Variants in TAFA1 observed in about 807,000 individuals in gnomAD.
The protein encoded by TAFA1 is TAFA chemokine like family member 1, also known as chemokine-like protein TAFA-1.
A neutral mutation model predicts 18.5 loss-of-function variants in TAFA1; 4 were observed. The observed-to-expected ratio is 0.22, with a 90% CI of 0.11 to 0.49. The LOEUF (loss-of-function observed/expected upper bound fraction) is 0.49. Ranked by LOEUF, TAFA1 falls within the 20% of genes least tolerant of loss-of-function variation. The pLI, the probability that TAFA1 is intolerant of heterozygous loss-of-function variation, is 0.98. For missense variants in TAFA1, 147 were observed against 169.0 expected (o/e 0.87, Z 0.72); for synonymous variants, 56 against 55.2 (o/e 1.01, Z -0.06).
At chr3:68,310,419 G>T (rs2068495450) in intron 2 of TAFA1, among the ~76,000 whole-genome samples, 1 of 152,100 alleles carries the variant, frequency 6.6e-6, no homozygotes, top group Non-Finnish European at 1.5e-5. Context: ...TTCAACAAGA[G>T]ATGTTCTAAA....
At chr3:68,302,629 T>A (rs7625405) in intron 2 of TAFA1, among the ~76,000 whole-genome samples, 7 of 152,248 alleles carry the variant, frequency 4.6e-5, no homozygotes, top group African/African-American at 1.2e-4. Context: ...CATTGTTGTA[T>A]CCTCAGCATC....
At chr3:68,437,703 T>A (rs949477817) in intron 3 of TAFA1, among the ~76,000 whole-genome samples, 1 of 152,116 alleles carries the variant, frequency 6.6e-6, no homozygotes, top group African/African-American at 2.4e-5. Flanking sequence ...ATGACCCAAT[T>A]ACCCCTTAAA....
chr3:68,539,675 G>T (rs1361254994), intron 4 of TAFA1, among the ~76,000 whole-genome samples: 3 of 18,428 alleles, frequency 1.6e-4, no homozygotes, highest in Non-Finnish European at 4.8e-4. Context: ...CTGTGTGTGT[G>T]TGTGGGGGGG....
chr3:68,494,531 A>G (rs2072511606), intron 3 of TAFA1, among the ~76,000 whole-genome samples: 2 of 152,182 alleles, frequency 1.3e-5, no homozygotes, highest in African/African-American at 2.4e-5. Flanking sequence ...CTAGATCTTA[A>G]TAAGCCTCCC....
chr3:68,448,167 G>C (rs1385848737), intron 3 of TAFA1, among the ~76,000 whole-genome samples: 6 of 152,212 alleles, frequency 3.9e-5, no homozygotes, highest in African/African-American at 7.2e-5. Context: ...AGTTCTCAGG[G>C]CTTCTTAAAC....
chr3:68,171,478 G>C (rs1433973253), intron 2 of TAFA1, among the ~76,000 whole-genome samples: 2 of 152,132 alleles, frequency 1.3e-5, no homozygotes, highest in Non-Finnish European at 2.9e-5. Flanking sequence ...CACAGCAATA[G>C]AAATGTAATA....
intron 3 of TAFA1, among the ~76,000 whole-genome samples, chr3:68,455,152 G>A (rs1201070847): frequency 6.6e-6 from 1 of 151,968 alleles, no homozygotes; most frequent in African/African-American, 2.4e-5. Flanking sequence ...TTCCTTAAGT[G>A]GAAATGGATC....
chr3:68,230,225 T>C (rs762031758), intron 2 of TAFA1, among the ~76,000 whole-genome samples: 7 of 152,188 alleles, frequency 4.6e-5, no homozygotes, highest in Admixed American at 6.5e-5. Flanking sequence ...CATCCAACTA[T>C]ATTTTTGTAC....
At chr3:68,320,046 T>C (rs961027874) in intron 2 of TAFA1, among the ~76,000 whole-genome samples, 4 of 152,222 alleles carry the variant, frequency 2.6e-5, no homozygotes, top group Non-Finnish European at 1.5e-5. Flanking sequence ...TGTTTACATA[T>C]ATATGGATAT....
chr3:68,412,704 ATG>A (rs2070739481), intron 2 of TAFA1, among the ~76,000 whole-genome samples: 1 of 151,858 alleles, frequency 6.6e-6, no homozygotes, highest in Non-Finnish European at 1.5e-5. Context: ...AAGGACATGA[ATG>A]CATCCTTTTT....
intron 3 of TAFA1, among the ~76,000 whole-genome samples, chr3:68,538,464 C>A (rs745510687): frequency 1.1e-4 from 17 of 152,130 alleles, no homozygotes; most frequent in Non-Finnish European, 2.1e-4. Flanking sequence ...ATGTTAGAAG[C>A]AAGATGGAGT....
intron 2 of TAFA1, among the ~76,000 whole-genome samples, chr3:68,137,612 A>T (rs1481815238): frequency 6.6e-6 from 1 of 152,198 alleles, no homozygotes; most frequent in Non-Finnish European, 1.5e-5. Context: ...TCTAGGTTTG[A>T]GTGAAGTAGA....
chr3:68,472,514 A>G (rs886516741), intron 3 of TAFA1, among the ~76,000 whole-genome samples: 3 of 151,926 alleles, frequency 2.0e-5, no homozygotes, highest in Admixed American at 1.3e-4. Flanking sequence ...ACACACACAC[A>G]CACACACACA....
chr3:68,086,974 C>T (rs925091539), intron 2 of TAFA1, among the ~76,000 whole-genome samples: 4 of 152,088 alleles, frequency 2.6e-5, no homozygotes, highest in South Asian at 2.1e-4. Context: ...AACAAGACAC[C>T]CTGCAAATCC....
intron 2 of TAFA1, among the ~76,000 whole-genome samples, chr3:68,173,152 A>G (rs957525584): frequency 3.3e-5 from 5 of 152,146 alleles, no homozygotes; most frequent in African/African-American, 1.2e-4. Flanking sequence ...GCTACATTCC[A>G]TGACTAATGA....
intron 2 of TAFA1, among the ~76,000 whole-genome samples, chr3:68,406,157 T>C (rs2070603761): frequency 6.6e-6 from 1 of 152,176 alleles, no homozygotes. Flanking sequence ...ATTAGTATAT[T>C]CAATCTTTTA....
chr3:68,223,141 C>G (rs1024168724), intron 2 of TAFA1, among the ~76,000 whole-genome samples: 2 of 152,088 alleles, frequency 1.3e-5, no homozygotes, highest in African/African-American at 4.8e-5. Flanking sequence ...AGTGGGTGAA[C>G]ATCTTTCCTG....
At chr3:68,498,243 A>T (rs2072586832) in intron 3 of TAFA1, among the ~76,000 whole-genome samples, 1 of 152,328 alleles carries the variant, frequency 6.6e-6, no homozygotes, top group South Asian at 2.1e-4. Context: ...AAAAGTATTT[A>T]TAATAGCACC....
rs146669749 is a variant in TAFA1, at chr3:68,138,062, G to C, written c.118+131318G>C. Among the ~76,000 whole-genome samples, 103 of 151,960 alleles carry C rather than the reference G, an allele frequency of 6.8e-4. 2 individuals are homozygous for C. In the East Asian group the frequency reaches 0.02, roughly 29 times the overall value. On this transcript the variant is annotated intron_variant, in intron 2 of 4. Transcript: ENST00000478136. Reference sequence around the variant, plus strand: ...GCAAAGAATTTGAAAATGCCTAATGGAATATATTTGTATATACCTAAGGTG... The same window carrying C: ...GCAAAGAATTTGAAAATGCCTAATGCAATATATTTGTATATACCTAAGGTG...
Sources: gnomAD v4.1 joint callset for allele counts (sites outside exome capture counted in the v4.1 genomes callset) on GRCh38, gnomAD v4.1.1 for gene constraint, MANE v1.5 for transcripts, NCBI Gene and HGNC (gene_info 2026-07-23, HGNC 2026-07-21) for gene names.